The following SYTL2 variants were observed in gnomAD, a reference collection of about 807,000 sequenced individuals.
SYTL2 encodes the protein synaptotagmin-like protein 2.
Under a neutral mutation model 198.7 loss-of-function variants are expected in SYTL2, and 165 were observed. The ratio of observed to expected loss-of-function variants is 0.83; its 90% CI spans 0.73 to 0.94. The LOEUF is 0.94. Among genes scored for constraint, SYTL2 ranks in the 40% least tolerant of loss-of-function variants. The probability of loss-of-function intolerance (pLI) is 0.00; values close to 1 mark genes in which losing one functional copy is unlikely to be tolerated. For synonymous variants in SYTL2, 966 were observed against 917.7 expected (o/e 1.05, Z -0.95); for missense variants, 2,835 against 2,582.8 (o/e 1.10, Z -2.12).
At position 85,750,028 on chromosome 11, in the gene SYTL2, AC is replaced by A. The variant is rs1353139961; in HGVS notation, c.102-1606del. 9.2e-5 allele frequency among the ~76,000 whole-genome samples: 14 copies of A among 152,074 alleles called. 1 individual carries two copies. The highest frequency in any genetic ancestry group is 3.4e-4 in the African/African-American group (14 of 41,484). On this transcript the variant is annotated intron_variant, in intron 2 of 19. Transcript: ENST00000359152. ...TCATTTTTCCAGCACTCACGCCCAT[AC>A]CCCACTTGCCAGCAGGCTCAGCTTC...
intron 4 of SYTL2, among the ~76,000 whole-genome samples, chr11:85,743,217 A>T (rs2090927112): frequency 6.6e-6 from 1 of 152,190 alleles, no homozygotes; most frequent in Non-Finnish European, 1.5e-5. Context: ...CCCAAAATAC[A>T]CTTAACACAC....
chr11:85,791,190 A>AC (rs1290025389), intron 1 of SYTL2, among the ~76,000 whole-genome samples: 4 of 150,956 alleles, frequency 2.6e-5, no homozygotes, highest in African/African-American at 9.7e-5. Context: ...AAAAAAAAAA[A>AC]AAAAACAACC....
chr11:85,854,292 A>G, the SYTL2 span: 3 of 151,466 alleles, frequency 2.0e-5, no homozygotes, highest in Non-Finnish European at 4.4e-5. Context: ...CACTCATTAA[A>G]AAAAAAAAAA....
At chr11:85,801,822 CT>C (rs1289583115) in intron 1 of SYTL2, among the ~76,000 whole-genome samples, 2,890 of 137,322 alleles carry the variant, frequency 0.021, 67 homozygotes, top group African/African-American at 0.062. Flanking sequence ...CTTCCCCGTT[CT>C]TTTTTTTTTT....
intron 15 of SYTL2, among the ~76,000 whole-genome samples, chr11:85,705,416 T>C (rs192614100): frequency 6.6e-6 from 1 of 152,320 alleles, no homozygotes; most frequent in Non-Finnish European, 1.5e-5. Flanking sequence ...CAAGGTCTTT[T>C]TTAAAATAGT....
intron 1 of SYTL2, among the ~76,000 whole-genome samples, chr11:85,809,466 G>A (rs1434512486): frequency 6.6e-6 from 1 of 152,206 alleles, no homozygotes; most frequent in Admixed American, 6.5e-5. Flanking sequence ...CTGACACCTG[G>A]TGAGAACACA....
At chr11:85,847,186 C>T in the SYTL2 span, among the ~76,000 whole-genome samples, 2,933 of 152,262 alleles carry the variant, frequency 0.019, 89 homozygotes, top group African/African-American at 0.066. Context: ...TCCTTTATTC[C>T]GGCAAGTACT....
intron 16 of SYTL2, among the ~76,000 whole-genome samples, chr11:85,701,016 G>A (rs2084208522): frequency 1.3e-5 from 2 of 152,120 alleles, no homozygotes; most frequent in African/African-American, 4.8e-5. Context: ...GGGGGGAAAG[G>A]CCATATCTTA....
At chr11:85,821,786 A>T in the SYTL2 span, among the ~76,000 whole-genome samples, 2 of 152,220 alleles carry the variant, frequency 1.3e-5, no homozygotes, top group Non-Finnish European at 2.9e-5. Flanking sequence ...CAAACATAAG[A>T]TGACTATATA....
intron 1 of SYTL2, among the ~76,000 whole-genome samples, chr11:85,804,905 C>T (rs1180525569): frequency 6.6e-6 from 1 of 152,172 alleles, no homozygotes; most frequent in African/African-American, 2.4e-5. Context: ...GTAGCTAAAT[C>T]AACAGTAGCA....
chr11:85,723,318 C>T (rs1297789374), intron 8 of SYTL2, among the ~76,000 whole-genome samples: 1 of 152,210 alleles, frequency 6.6e-6, no homozygotes, highest in East Asian at 1.9e-4. Flanking sequence ...TAGGTGGCAT[C>T]AGGTGAGTCA....
At chr11:85,713,796 C>A (rs922134103) in intron 12 of SYTL2, among the ~76,000 whole-genome samples, 1 of 152,020 alleles carries the variant, frequency 6.6e-6, no homozygotes, top group Admixed American at 6.6e-5. Context: ...TTCTTAAGAC[C>A]GTACAGTATA....
chr11:85,854,223 T>A, the SYTL2 span: 1 of 151,788 alleles, frequency 6.6e-6, no homozygotes, highest in African/African-American at 2.4e-5. Context: ...ATGTATAAAT[T>A]ATAAATCATA....
chr11:85,810,390 C>T (rs2093016068), intron 1 of SYTL2, among the ~76,000 whole-genome samples: 1 of 152,104 alleles, frequency 6.6e-6, no homozygotes. Context: ...GTCTTAGACG[C>T]TAAAAACAGT....
chr11:85,847,728 T>C, the SYTL2 span, among the ~76,000 whole-genome samples: 12 of 152,242 alleles, frequency 7.9e-5, no homozygotes, highest in African/African-American at 2.4e-4. Flanking sequence ...CTAATGATAT[T>C]GAGCATCTTT....
Position 85,789,350 on chromosome 11 carries a change from A to G in SYTL2, c.-390+21604T>C, listed in dbSNP as rs1189815814. 5.9e-3 allele frequency among the ~76,000 whole-genome samples: 227 copies of G among 38,210 alleles called. 6 individuals are homozygous for G. Among genetic ancestry groups the G allele is most frequent in the Non-Finnish European group, 7.2e-3 (135 of 18,780 alleles). 25.1% of individuals were successfully genotyped at this position (38,210 alleles called of 152,430 possible). A position where few individuals can be genotyped will look rare whatever the true frequency, so the allele number is the denominator to read the frequency against. ...TGTGTGTGTGTGTGTGTATATATAT[A>G]TATATATATATATATATATATATAT... On this transcript the variant is annotated intron_variant, in intron 1 of 19. Coordinates refer to ENST00000359152, the MANE Select transcript of SYTL2 (RefSeq NM_206927.4).
rs72460497 is a variant in SYTL2 at position 85,708,837 on chromosome 11, A to ATTTTTTT, written c.5915+487_5915+493dup. 1.4e-4 allele frequency among the ~76,000 whole-genome samples: 10 copies of ATTTTTTT among 71,596 alleles called. 3 individuals carry two copies. The highest frequency in any genetic ancestry group is 4.7e-4 in the African/African-American group (8 of 16,920). 47.0% of individuals were successfully genotyped at this position (71,596 alleles called of 152,430 possible). ...TTGAAACATTTTGTGCTTCTCTGTG[A>ATTTTTTT]TTTTTTTTTTTTTTTTTTTTTTTTT... On this transcript the variant is annotated intron_variant, in intron 14 of 19. Coordinates refer to ENST00000359152, the MANE Select transcript of SYTL2 (RefSeq NM_206927.4).
chr11:85,746,528 G>C (rs998981070), intron 3 of SYTL2, among the ~76,000 whole-genome samples: 3 of 152,172 alleles, frequency 2.0e-5, no homozygotes, highest in African/African-American at 7.2e-5. Context: ...GAAAACTGAG[G>C]ATCAAAAAGT....
Position 85,736,535 on chromosome 11 carries a change from A to AT in SYTL2, c.551dup (p.Asn184LysfsTer14). 1.2e-6 allele frequency: 2 copies of AT among 1,602,760 alleles called. No homozygotes were observed. The highest frequency in any genetic ancestry group is 1.7e-6 in the Non-Finnish European group (2 of 1,171,658). ...AAGTCTGAAATAAACCAGTTCTTCC[A>AT]TTTTTTGACTGTTCATTTTTAGTTT... On this transcript the variant is annotated frameshift_variant, in exon 6 of 20. Transcript: ENST00000359152. LOFTEE classifies it high-confidence loss of function.
Sources: gnomAD v4.1 joint callset for allele counts (sites outside exome capture counted in the v4.1 genomes callset) on GRCh38, gnomAD v4.1.1 for gene constraint, MANE v1.5 for transcripts, NCBI Gene and HGNC (gene_info 2026-07-23, HGNC 2026-07-21) for gene names.